NUP214: variants seen among roughly 807,000 people sequenced by gnomAD.
The protein encoded by NUP214 is nuclear pore complex protein Nup214.
Under a neutral mutation model 196.2 loss-of-function variants are expected in NUP214, and 79 were observed. The ratio of observed to expected loss-of-function variants is 0.40; its 90% CI spans 0.34 to 0.49. The LOEUF (loss-of-function observed/expected upper bound fraction) is 0.49, where lower values mean the gene tolerates loss of function less well. Among genes scored for constraint, NUP214 ranks in the 20% least tolerant of loss-of-function variants. The probability of loss-of-function intolerance (pLI) is 0.58; values close to 1 mark genes in which losing one functional copy is unlikely to be tolerated. For synonymous variants in NUP214, 1,020 were observed against 990.5 expected (o/e 1.03, Z -0.56); for missense variants, 2,468 against 2,539.0 (o/e 0.97, Z 0.60).
intron 32 of NUP214, 97 bp downstream of exon 32, chr9:131,223,027 A>C (rs983656659): frequency 2.1e-5 from 25 of 1,206,810 alleles, no homozygotes; most frequent in Non-Finnish European, 2.9e-5. Context: ...TTATCTTAAG[A>C]GAGTAGGATT....
Position 131,233,514 on chromosome 9 carries a change from C to T in NUP214, c.*27C>T. The stretch of plus-strand genomic sequence containing the variant: ...GGCGTGTCAGCAGGCCTTTCGATCC[C>T]TGGGACCAACCGCATCCTCAGCTTC... On this transcript the variant is annotated 3_prime_UTR_variant, in exon 36 of 36. Transcript: ENST00000359428. 6.2e-7 allele frequency: 1 copy of T among 1,613,432 alleles called. No homozygotes were observed. Among genetic ancestry groups the T allele is most frequent in the Non-Finnish European group, 8.5e-7 (1 of 1,179,668 alleles).
rs1242789933 is a variant in NUP214 at position 131,144,374 on chromosome 9, T to C, written c.1389T>C (p.Pro463=). 3 of 1,614,178 alleles carry C rather than the reference T, an allele frequency of 1.9e-6. No homozygotes were observed. Among genetic ancestry groups the C allele is most frequent in the Non-Finnish European group, 2.5e-6 (3 of 1,180,016 alleles). ...CTGCCTCTCTGCCACCTTCATCACC[T>C]GCTGCTCCCATTGCCACTTTTTCTT... ...AAPASLPPSS[P]AAPIATFSLL... Residue 463 remains proline (P), a synonymous_variant, in exon 12 of 36, where the codon CCT becomes CCC. Transcript: ENST00000359428.
intron 24 of NUP214, among the ~76,000 whole-genome samples, chr9:131,182,390 G>A (rs962880583): frequency 5.3e-5 from 8 of 152,198 alleles, no homozygotes; most frequent in South Asian, 2.1e-4. Flanking sequence ...TCAGATCAGC[G>A]GCAGCTTTGG....
At chr9:131,217,506 T>C (rs1374032219) in intron 31 of NUP214, among the ~76,000 whole-genome samples, 1 of 152,192 alleles carries the variant, frequency 6.6e-6, no homozygotes, top group South Asian at 2.1e-4. Flanking sequence ...ACCGTGAGGC[T>C]CCATAGCACA....
At chr9:131,169,597 T>C (rs963651443) in intron 21 of NUP214, among the ~76,000 whole-genome samples, 3 of 152,248 alleles carry the variant, frequency 2.0e-5, no homozygotes, top group African/African-American at 7.2e-5. Context: ...GCTACTGTAA[T>C]GGCAAACACG....
rs540349434 is a variant in NUP214 at position 131,164,552 on chromosome 9, A to AAAAT, written c.2893+419_2893+422dup. ...TGCATCTGGGAAAAAGGCATTTTAAAAAATAAATAAATAATAGAAAAAAAT... is the reference window on the plus strand; with the variant it reads ...TGCATCTGGGAAAAAGGCATTTTAAAAAATAAATAAATAAATAATAGAAAAAAAT... On this transcript the variant is annotated intron_variant, in intron 21 of 35. Coordinates refer to ENST00000359428, the MANE Select transcript of NUP214 (RefSeq NM_005085.4). The AAAAT allele has an allele frequency of 2.2e-3, 346 of 156,572 alleles. 4 individuals are homozygous for AAAAT. Among genetic ancestry groups the AAAAT allele is most frequent in the African/African-American group, 7.9e-3 (330 of 41,556 alleles). The allele number at this position is 156,572 out of a possible 1,614,324, so 9.7% of individuals were successfully genotyped here.
intron 10 of NUP214, 93 bp from the exon 11 acceptor site, chr9:131,140,456 T>G: frequency 1.8e-6 from 2 of 1,096,142 alleles, no homozygotes; most frequent in Non-Finnish European, 2.6e-6. Context: ...ATGAGTCCCT[T>G]AAACCCTCTT....
chr9:131,136,889 T>C (rs958122993), intron 9 of NUP214: 1 of 152,250 alleles, frequency 6.6e-6, no homozygotes, highest in Admixed American at 6.5e-5. Context: ...TAAAAATCTT[T>C]AGTGCACCCT....
chr9:131,133,235 G>T, intron 7 of NUP214, 26 bp downstream of exon 7: 1 of 1,373,218 alleles, frequency 7.3e-7, no homozygotes, highest in Non-Finnish European at 9.8e-7. Context: ...AAATTTCATT[G>T]TTTGAGAATT....
intron 17 of NUP214, among the ~76,000 whole-genome samples, chr9:131,154,861 G>A (rs940489042): frequency 7.9e-5 from 12 of 152,222 alleles, no homozygotes; most frequent in African/African-American, 2.2e-4. Context: ...GCACGCTCGC[G>A]TGTGTGTCAC....
At chr9:131,162,884 A>G in intron 18 of NUP214, 107 bp from the exon 19 acceptor site, 1 of 1,056,178 alleles carries the variant, frequency 9.5e-7, no homozygotes, top group Non-Finnish European at 1.4e-6. Flanking sequence ...CTGGTTCTCC[A>G]TTTTATCATT....
intron 30 of NUP214, among the ~76,000 whole-genome samples, chr9:131,206,141 C>CTTTTTTTT (rs1588166866): frequency 8.4e-5 from 2 of 23,866 alleles, no homozygotes; most frequent in African/African-American, 2.8e-4. Flanking sequence ...GAATTTTTTT[C>CTTTTTTTT]TTTTTTCTTT....
At chr9:131,193,629 CTTT>C (rs71389402) in intron 27 of NUP214, among the ~76,000 whole-genome samples, 18 of 28,216 alleles carry the variant, frequency 6.4e-4, no homozygotes, top group Admixed American at 4.0e-3. Flanking sequence ...TCTTCCTTTT[CTTT>C]TTTTTTTTTT....
At chr9:131,211,357 CA>C (rs1385644899) in intron 30 of NUP214, among the ~76,000 whole-genome samples, 1 of 152,218 alleles carries the variant, frequency 6.6e-6, no homozygotes. Flanking sequence ...ATAAAGGCCA[CA>C]CATTGAGATT....
Position 131,223,711 on chromosome 9 carries a change from T to TTTTATTTATTTATTTATTTATTTATTTA in NUP214, c.5902+800_5902+801insATTTATTTATTTATTTATTTATTTATTT, listed in dbSNP as rs1371826550. On this transcript the variant is annotated intron_variant, in intron 32 of 35. Transcript: ENST00000359428. Reference sequence around the variant, plus strand: ...CTTTCGCAAATCACTTTTTTTTTATTTTTATTTATTTATTTATTTTTTTTT... The same window carrying TTTTATTTATTTATTTATTTATTTATTTA: ...CTTTCGCAAATCACTTTTTTTTTATTTTTATTTATTTATTTATTTATTTATTTATTTATTTATTTATTTATTTTTTTTT... Among the ~76,000 whole-genome samples the TTTTATTTATTTATTTATTTATTTATTTA allele has an allele frequency of 1.6e-3, 43 of 27,150 alleles. 2 individuals are homozygous for TTTTATTTATTTATTTATTTATTTATTTA. The highest frequency in any genetic ancestry group is 3.6e-3 in the East Asian group (2 of 556). The allele number at this position is 27,150 out of a possible 152,430, so 17.8% of individuals were successfully genotyped here. A position where few individuals can be genotyped will look rare whatever the true frequency, so the allele number is the denominator to read the frequency against.
chr9:131,143,375 A>G (rs1471693825), intron 11 of NUP214, among the ~76,000 whole-genome samples: 1 of 151,182 alleles, frequency 6.6e-6, no homozygotes, highest in East Asian at 1.9e-4. Context: ...CATTTTTTGC[A>G]TTATGTTTGT....
At chr9:131,193,629 C>CTTTTTTTTTT (rs71389402) in intron 27 of NUP214, among the ~76,000 whole-genome samples, 1,056 of 28,192 alleles carry the variant, frequency 0.037, 316 homozygotes, top group Non-Finnish European at 0.047. Context: ...TCTTCCTTTT[C>CTTTTTTTTTT]TTTTTTTTTT....
rs1833093552 is a variant in NUP214, at chr9:131,175,616, C to T, written c.3314C>T (p.Ala1105Val). The T allele has an allele frequency of 4.3e-6, 7 of 1,614,132 alleles. No homozygotes were observed. The highest frequency in any genetic ancestry group is 5.9e-6 in the Non-Finnish European group (7 of 1,180,014). Residue 1105 changes from alanine to valine, a missense_variant, in exon 23 of 36, where the codon GCA becomes GTA. Ala to Val is a moderately conservative substitution (Grantham distance 64). Around this residue, in one of 5 missense-constraint regions of NUP214, gnomAD observed 1,801 missense variants for 1,779.4 expected, o/e 1.01. Transcript: ENST00000359428. The stretch of plus-strand genomic sequence containing the variant: ...CTCAGGCGGCAGATGGCCAGTCAGG[C>T]ACCAGGTAAAAGCTGTAGCCCCATA... ...AALRRQMASQAPAVNTLTEST... is the reference protein window; with the variant it reads ...AALRRQMASQVPAVNTLTEST...
intron 23 of NUP214, among the ~76,000 whole-genome samples, chr9:131,177,005 A>G (rs1363414481): frequency 6.6e-6 from 1 of 152,214 alleles, no homozygotes; most frequent in Non-Finnish European, 1.5e-5. Context: ...CCAAAATGTC[A>G]GTAGTGCCAG....
Sources: allele counts gnomAD v4.1 joint callset (sites outside exome capture counted in the v4.1 genomes callset), GRCh38; gene constraint gnomAD v4.1.1; regional missense constraint gnomAD v4.1.1; transcripts MANE v1.5; gene names NCBI Gene and HGNC (gene_info 2026-07-23, HGNC 2026-07-21).